GRM1: variants seen among roughly 807,000 people sequenced by gnomAD.
GRM1 encodes glutamate metabotropic receptor 1, also known as metabotropic glutamate receptor 1.
In GRM1, 33 loss-of-function variants were observed where a neutral mutation model predicts 90.9. The observed-to-expected ratio is 0.36, with a 90% confidence interval of 0.28 to 0.49. The LOEUF is 0.49. Among genes scored for constraint, GRM1 ranks in the 20% least tolerant of loss-of-function variants. The pLI is 0.99. For missense variants in GRM1, 1,190 were observed against 1,534.3 expected (o/e 0.78, Z 3.75); for synonymous variants, 700 against 613.2 (o/e 1.14, Z -2.09).
intron 2 of GRM1, among the ~76,000 whole-genome samples, chr6:146,296,518 T>C (rs1783183270): frequency 6.6e-6 from 1 of 152,212 alleles, no homozygotes; most frequent in South Asian, 2.1e-4. Context: ...CTAGAACTTA[T>C]TCTCCCTGTT....
intron 2 of GRM1, among the ~76,000 whole-genome samples, chr6:146,242,962 A>C (rs1780922089): frequency 6.6e-6 from 1 of 152,152 alleles, no homozygotes; most frequent in Non-Finnish European, 1.5e-5. Flanking sequence ...TGTGTTATTT[A>C]GGTTAAGCTA....
chr6:146,074,869 A>G (rs1201095417), intron 1 of GRM1, among the ~76,000 whole-genome samples: 1 of 152,178 alleles, frequency 6.6e-6, no homozygotes, highest in Non-Finnish European at 1.5e-5. Flanking sequence ...GAGAAGTCCA[A>G]AATACCTGTG....
At chr6:146,394,432 G>C (rs1316823731) in intron 6 of GRM1, among the ~76,000 whole-genome samples, 1 of 152,066 alleles carries the variant, frequency 6.6e-6, no homozygotes, top group African/African-American at 2.4e-5. Flanking sequence ...ATATATACAA[G>C]AATTTTATAA....
chr6:146,393,429 C>T (rs1282241414), intron 6 of GRM1, among the ~76,000 whole-genome samples: 1 of 152,028 alleles, frequency 6.6e-6, no homozygotes, highest in African/African-American at 2.4e-5. Flanking sequence ...AGGATATTAG[C>T]CCTTTGTCAG....
intron 1 of GRM1, among the ~76,000 whole-genome samples, chr6:146,136,620 C>T (rs1776629737): frequency 6.6e-6 from 1 of 152,064 alleles, no homozygotes; most frequent in Non-Finnish European, 1.5e-5. Context: ...TTTAAAAGGA[C>T]TATTAGATTT....
At chr6:146,296,409 A>G (rs907899532) in intron 2 of GRM1, among the ~76,000 whole-genome samples, 2 of 152,212 alleles carry the variant, frequency 1.3e-5, no homozygotes, top group African/African-American at 4.8e-5. Context: ...CATACTTATC[A>G]CTACTTGGTG....
At chr6:146,339,931 G>A (rs1045550671) in intron 3 of GRM1, among the ~76,000 whole-genome samples, 2 of 152,146 alleles carry the variant, frequency 1.3e-5, no homozygotes, top group African/African-American at 4.8e-5. Flanking sequence ...ACATCCCTTG[G>A]CACACAAAAT....
chr6:146,037,041 G>A (rs181492313), intron 1 of GRM1, among the ~76,000 whole-genome samples: 91 of 151,974 alleles, frequency 6.0e-4, no homozygotes, highest in African/African-American at 2.1e-3. Context: ...CAAAACATAT[G>A]GGAAATACTG....
chr6:146,277,030 A>G (rs1782397098), intron 2 of GRM1, among the ~76,000 whole-genome samples: 1 of 152,144 alleles, frequency 6.6e-6, no homozygotes. Context: ...ACAGCCAAGG[A>G]GATTGAGGCT....
intron 2 of GRM1, among the ~76,000 whole-genome samples, chr6:146,214,995 A>G (rs1178980134): frequency 6.6e-6 from 1 of 152,204 alleles, no homozygotes; most frequent in Non-Finnish European, 1.5e-5. Context: ...TTACTCTGCT[A>G]ACCCAGAAAT....
chr6:146,217,501 C>T (rs1447953189), intron 2 of GRM1, among the ~76,000 whole-genome samples: 2 of 152,116 alleles, frequency 1.3e-5, no homozygotes, highest in African/African-American at 4.8e-5. Flanking sequence ...AACAACACAG[C>T]CTGTCTTGAA....
chr6:146,211,159 A>G (rs954567810), intron 2 of GRM1, among the ~76,000 whole-genome samples: 1 of 152,004 alleles, frequency 6.6e-6, no homozygotes, highest in Non-Finnish European at 1.5e-5. Context: ...AACTTGGTAT[A>G]GTATTTTTCA....
At chr6:146,400,054 G>A (rs1378054165) in intron 7 of GRM1, among the ~76,000 whole-genome samples, 2 of 152,218 alleles carry the variant, frequency 1.3e-5, no homozygotes, top group East Asian at 1.9e-4. Context: ...GCCCCTGGGG[G>A]CTGGGTCAGA....
chr6:146,121,827 TTGCTGAGCAG>T (rs1775999665), intron 1 of GRM1, among the ~76,000 whole-genome samples: 1 of 152,218 alleles, frequency 6.6e-6, no homozygotes, highest in Non-Finnish European at 1.5e-5. Context: ...TCTTTTACAT[TTGCTGAGCAG>T]TGCTTTACTT....
At chr6:146,422,310 A>G (rs1050189985) in intron 7 of GRM1, among the ~76,000 whole-genome samples, 1 of 152,204 alleles carries the variant, frequency 6.6e-6, no homozygotes, top group African/African-American at 2.4e-5. Context: ...TTCTACTGGA[A>G]GTTATTGACA....
chr6:146,159,680 T>G (rs1583089580), intron 2 of GRM1, 83 bp downstream of exon 2: 2 of 1,402,742 alleles, frequency 1.4e-6, no homozygotes, highest in Non-Finnish European at 2.0e-6. Flanking sequence ...GAAACACATA[T>G]GCTTGCTTTC....
intron 1 of GRM1, among the ~76,000 whole-genome samples, chr6:146,103,760 C>T (rs1473351622): frequency 1.3e-5 from 2 of 152,188 alleles, no homozygotes; most frequent in Non-Finnish European, 2.9e-5. Flanking sequence ...GCAACATTTA[C>T]ACATCCTTCT....
chr6:146,387,715 A>T (rs1019789546), intron 6 of GRM1, among the ~76,000 whole-genome samples: 3 of 152,076 alleles, frequency 2.0e-5, no homozygotes, highest in Non-Finnish European at 4.4e-5. Flanking sequence ...ACAATGGTCC[A>T]GTAGGGTAGT....
At chr6:146,243,855 C>G (rs567629205) in intron 2 of GRM1, among the ~76,000 whole-genome samples, 1 of 152,072 alleles carries the variant, frequency 6.6e-6, no homozygotes, top group African/African-American at 2.4e-5. Context: ...TATCTACATC[C>G]GTATAAGACA....
Sources: gnomAD v4.1 joint callset for allele counts (sites outside exome capture counted in the v4.1 genomes callset) on GRCh38, gnomAD v4.1.1 for gene constraint, MANE v1.5 for transcripts, NCBI Gene and HGNC (gene_info 2026-07-23, HGNC 2026-07-21) for gene names.